The following ANXA10 variants were observed in gnomAD, a reference collection of about 807,000 sequenced individuals.
ANXA10 encodes the protein annexin A10, also known as annexin 14.
A neutral mutation model predicts 53.5 loss-of-function variants in ANXA10; 49 were observed. The ratio of observed to expected loss-of-function variants is 0.92; its 90% CI spans 0.73 to 1.16. The LOEUF is 1.16. ANXA10 is among the 50% of genes most tolerant of loss of function. The pLI, the probability that ANXA10 is intolerant of heterozygous loss-of-function variation, is 0.00. For missense variants in ANXA10, 393 were observed against 394.4 expected, an observed-to-expected ratio of 1.00 and a Z score of 0.03; for synonymous variants, 131 against 128.9, an observed-to-expected ratio of 1.02 and a Z score of -0.11.
chr4:168,123,918 C>A (rs376702184), intron 1 of ANXA10, among the ~76,000 whole-genome samples: 1 of 152,134 alleles, frequency 6.6e-6, no homozygotes, highest in Non-Finnish European at 1.5e-5. Context: ...TAGGTATCTT[C>A]CCAAATTATT....
intron 1 of ANXA10, among the ~76,000 whole-genome samples, chr4:168,121,994 C>G (rs927395002): frequency 2.7e-5 from 4 of 146,036 alleles, no homozygotes; most frequent in African/African-American, 9.9e-5. Flanking sequence ...AGGCGCCCAC[C>G]ACCACGCCCG....
At chr4:168,112,548 A>G (rs995681528) in intron 1 of ANXA10, among the ~76,000 whole-genome samples, 1 of 152,164 alleles carries the variant, frequency 6.6e-6, no homozygotes, top group South Asian at 2.1e-4. Flanking sequence ...GTTTTTTCAT[A>G]ACCAAATTTA....
At chr4:168,139,422 T>C (rs1731291011) in intron 2 of ANXA10, 64 bp from the exon 3 acceptor site, 2 of 1,366,802 alleles carry the variant, frequency 1.5e-6, no homozygotes, top group East Asian at 4.7e-5. Flanking sequence ...GATCGTTAGA[T>C]AAAGGATTCT....
In ANXA10 at chr4:168,162,644, A is replaced by T; in HGVS notation, c.309+3A>T. ...ATGAGCTCTGGCATGCCATGAAGGT[A>T]GTGATCTGATCCAAAAATATGCCTG... is the stretch of plus-strand genomic sequence containing the variant. On this transcript the variant is annotated splice_donor_region_variant and intron_variant, in intron 4 of 11. Coordinates refer to ENST00000359299, the MANE Select transcript of ANXA10 (RefSeq NM_007193.5). 1.2e-6 allele frequency: 2 copies of T among 1,613,176 alleles called. No homozygotes were observed. The highest frequency in any genetic ancestry group is 1.7e-6 in the Non-Finnish European group (2 of 1,179,228).
intron 1 of ANXA10, among the ~76,000 whole-genome samples, chr4:168,108,827 G>T (rs1438482929): frequency 2.6e-5 from 4 of 152,030 alleles, no homozygotes; most frequent in African/African-American, 9.7e-5. Context: ...AAGTTCTCTG[G>T]GTGGTCTCCT....
At chr4:168,125,690 C>T (rs778646437) in intron 1 of ANXA10, among the ~76,000 whole-genome samples, 1 of 152,106 alleles carries the variant, frequency 6.6e-6, no homozygotes, top group Non-Finnish European at 1.5e-5. Flanking sequence ...TCAGTCTGTA[C>T]TCAGTCTCAG....
chr4:168,132,107 C>A (rs1043791222), intron 2 of ANXA10, among the ~76,000 whole-genome samples: 3 of 151,978 alleles, frequency 2.0e-5, no homozygotes, highest in African/African-American at 7.2e-5. Flanking sequence ...ACCATGTGAT[C>A]CAGAAAATCC....
intron 1 of ANXA10, 86 bp from the exon 2 acceptor site, chr4:168,127,998 A>T: frequency 1.6e-6 from 2 of 1,215,872 alleles, no homozygotes; most frequent in Non-Finnish European, 2.4e-6. Flanking sequence ...TGCAGAGATT[A>T]CAGGTATGAG....
intron 1 of ANXA10, among the ~76,000 whole-genome samples, chr4:168,105,257 T>C (rs934514021): frequency 3.9e-5 from 6 of 151,920 alleles, no homozygotes; most frequent in African/African-American, 1.4e-4. Flanking sequence ...CCTGACTCTC[T>C]CCATTCTCCC....
At chr4:168,173,610 C>G in intron 6 of ANXA10, among the ~76,000 whole-genome samples, 1 of 152,126 alleles carries the variant, frequency 6.6e-6, no homozygotes, top group Non-Finnish European at 1.5e-5. Context: ...GATAAGTGCC[C>G]AGTTTCTGGA....
chr4:168,128,188 T>C, intron 2 of ANXA10, 23 bp downstream of exon 2: 1 of 1,585,130 alleles, frequency 6.3e-7, no homozygotes. Context: ...ATTTCTACCA[T>C]CTTTTATTGT....
intron 3 of ANXA10, among the ~76,000 whole-genome samples, chr4:168,158,846 G>C (rs573640005): frequency 2.6e-5 from 4 of 152,182 alleles, no homozygotes; most frequent in Non-Finnish European, 5.9e-5. Context: ...GATCTCCAGT[G>C]CTGGAGGTGG....
chr4:168,180,836 C>A (rs972873961), intron 9 of ANXA10, among the ~76,000 whole-genome samples: 1 of 152,150 alleles, frequency 6.6e-6, no homozygotes, highest in African/African-American at 2.4e-5. Flanking sequence ...TTATGATCAT[C>A]AACTGACTTC....
At chr4:168,181,924 A>G (rs1732256210) in intron 10 of ANXA10, among the ~76,000 whole-genome samples, 183 bp downstream of exon 10, 2 of 152,256 alleles carry the variant, frequency 1.3e-5, no homozygotes, top group Non-Finnish European at 2.9e-5. Flanking sequence ...GATAAAAATA[A>G]TGTTCTGCTT....
chr4:168,186,884 A>G lies in ANXA10; in HGVS notation c.907-482A>G, dbSNP rs188204903. On this transcript the variant is annotated intron_variant, in intron 11 of 11. Coordinates refer to ENST00000359299, the MANE Select transcript of ANXA10 (RefSeq NM_007193.5). ...ACTATTATACATAATATTATGGTGT[A>G]TATATTTTTAGCACAAAACTTTGTG... 2.7e-3 allele frequency among the ~76,000 whole-genome samples: 410 copies of G among 152,234 alleles called. 3 individuals are homozygous for G. Among genetic ancestry groups the G allele is most frequent in the African/African-American group, 9.4e-3 (391 of 41,552 alleles).
At chr4:168,156,410 GTA>G (rs1731683734) in intron 3 of ANXA10, among the ~76,000 whole-genome samples, 1 of 18,088 alleles carries the variant, frequency 5.5e-5, no homozygotes, top group Non-Finnish European at 1.2e-4. Flanking sequence ...ATATTATATA[GTA>G]TATATTATAT....
chr4:168,166,356 AATGATATATAAGT>A (rs1399732475), intron 6 of ANXA10, among the ~76,000 whole-genome samples: 1 of 152,250 alleles, frequency 6.6e-6, no homozygotes, highest in Non-Finnish European at 1.5e-5. Context: ...GTACTGGCTA[AATGATATATAAGT>A]ATTTCCATTT....
At chr4:168,151,376 C>A (rs914766545) in intron 3 of ANXA10, among the ~76,000 whole-genome samples, 4 of 151,908 alleles carry the variant, frequency 2.6e-5, no homozygotes, top group Admixed American at 6.6e-5. Flanking sequence ...AAAGGTAAGA[C>A]GAATAAGAAA....
chr4:168,133,962 G>GA (rs35621119), intron 2 of ANXA10, among the ~76,000 whole-genome samples: 15,520 of 151,924 alleles, frequency 0.1, 2,628 homozygotes, highest in African/African-American at 0.35. Context: ...TGATTACAAA[G>GA]AAGAAATCAA....
Sources: gnomAD v4.1 joint callset for allele counts (sites outside exome capture counted in the v4.1 genomes callset) on GRCh38, gnomAD v4.1.1 for gene constraint, MANE v1.5 for transcripts, NCBI Gene and HGNC (gene_info 2026-07-23, HGNC 2026-07-21) for gene names.